Variants in CCDC172 observed in about 807,000 individuals in gnomAD.
CCDC172 encodes coiled-coil domain containing 172.
CCDC172 carries 30 observed loss-of-function variants against 38.0 expected under a neutral mutation model. That is an observed-to-expected ratio of 0.79 (90% CI 0.59 to 1.07). CCDC172 has a LOEUF of 1.07. Ranked by LOEUF, CCDC172 falls within the 50% of genes least tolerant of loss-of-function variation. The probability of loss-of-function intolerance (pLI) is 0.00; values close to 1 mark genes in which losing one functional copy is unlikely to be tolerated. For missense variants in CCDC172, 297 were observed against 290.1 expected (o/e 1.02, Z -0.17); for synonymous variants, 78 against 88.3 (o/e 0.88, Z 0.66).
intron 7 of CCDC172, among the ~76,000 whole-genome samples, chr10:116,371,409 AT>A (rs1845184337): frequency 6.6e-6 from 1 of 151,842 alleles, no homozygotes; most frequent in Non-Finnish European, 1.5e-5. Context: ...ATCTTAGTGT[AT>A]TATTTATTTA....
intron 7 of CCDC172, among the ~76,000 whole-genome samples, chr10:116,361,031 C>T (rs921254649): frequency 1.6e-5 from 2 of 127,052 alleles, no homozygotes; most frequent in African/African-American, 6.1e-5. Context: ...AACCCCCAAA[C>T]CTATTATTAT....
intron 5 of CCDC172, among the ~76,000 whole-genome samples, chr10:116,347,054 A>G (rs1844876661): frequency 6.6e-6 from 1 of 152,194 alleles, no homozygotes; most frequent in Admixed American, 6.5e-5. Flanking sequence ...TAGCCAAGTG[A>G]GAGATTTGAG....
intron 7 of CCDC172, among the ~76,000 whole-genome samples, chr10:116,363,877 G>A (rs1273280925): frequency 4.0e-5 from 6 of 151,058 alleles, no homozygotes; most frequent in Non-Finnish European, 8.8e-5. Flanking sequence ...GTTGCAATGA[G>A]CCGAGATCAC....
chr10:116,369,485 T>C (rs1266611841), intron 7 of CCDC172, among the ~76,000 whole-genome samples: 2 of 152,074 alleles, frequency 1.3e-5, no homozygotes, highest in African/African-American at 4.8e-5. Context: ...TAGTCTTTTG[T>C]ATCTTTCCGT....
intron 7 of CCDC172, among the ~76,000 whole-genome samples, chr10:116,375,167 C>T (rs530366535): frequency 5.9e-5 from 9 of 152,182 alleles, no homozygotes; most frequent in Admixed American, 3.3e-4. Context: ...CTTCCTGTCT[C>T]TGCTTTTACT....
At chr10:116,333,015 G>T (rs1207371381) in intron 3 of CCDC172, among the ~76,000 whole-genome samples, 1 of 151,940 alleles carries the variant, frequency 6.6e-6, no homozygotes, top group African/African-American at 2.4e-5. Context: ...ATTTCAGCTT[G>T]TTCTGTTTTT....
chr10:116,378,308 A>G (rs749014455), intron 7 of CCDC172, 115 bp from the exon 8 acceptor site: 2 of 1,033,136 alleles, frequency 1.9e-6, no homozygotes, highest in South Asian at 2.2e-5. Flanking sequence ...TATGCCAATT[A>G]TTTAGTCTTA....
chr10:116,372,056 A>C (rs1039124293), intron 7 of CCDC172, among the ~76,000 whole-genome samples: 1 of 151,764 alleles, frequency 6.6e-6, no homozygotes, highest in African/African-American at 2.4e-5. Flanking sequence ...TGGTTACTTA[A>C]CTCTTTCTGC....
chr10:116,352,754 G>T (rs1182524774), intron 5 of CCDC172, among the ~76,000 whole-genome samples: 2 of 151,516 alleles, frequency 1.3e-5, no homozygotes, highest in African/African-American at 4.9e-5. Context: ...TTATAGTGGG[G>T]GTTTTAGGCA....
intron 5 of CCDC172, among the ~76,000 whole-genome samples, chr10:116,345,923 A>G (rs1449169110): frequency 3.9e-5 from 6 of 152,312 alleles, no homozygotes; most frequent in African/African-American, 1.4e-4. Context: ...TACATTTACC[A>G]TACAGCCCAG....
chr10:116,324,994 C>A lies in CCDC172; in HGVS notation c.-18C>A. 6.2e-7 allele frequency: 1 copy of A among 1,608,696 alleles called. No individual in the cohort carries two copies. Among genetic ancestry groups the A allele is most frequent in the Non-Finnish European group, 8.5e-7 (1 of 1,175,126 alleles). On this transcript the variant is annotated 5_prime_UTR_variant, in exon 2 of 9. Transcript: ENST00000333254. ...ATATTTAAGGGCGAGAAAAGGATCG[C>A]AGGAGCCAGGCCCTGAGATGAGCTT...
chr10:116,339,075 G>T (rs1480268442), intron 3 of CCDC172, among the ~76,000 whole-genome samples: 1 of 151,946 alleles, frequency 6.6e-6, no homozygotes, highest in African/African-American at 2.4e-5. Flanking sequence ...TTCTCAGTAA[G>T]CTCTGGTGGA....
chr10:116,349,867 G>A (rs1398510424), intron 5 of CCDC172, among the ~76,000 whole-genome samples: 2 of 152,084 alleles, frequency 1.3e-5, no homozygotes, highest in African/African-American at 4.8e-5. Flanking sequence ...GGGTTGCAGT[G>A]GGGTGTGTGG....
chr10:116,325,519 GT>G, intron 3 of CCDC172, 131 bp downstream of exon 3: 1 of 645,760 alleles, frequency 1.5e-6, no homozygotes, highest in South Asian at 2.3e-5. Context: ...GGCTGTTTTA[GT>G]TCCATGTTGC....
intron 7 of CCDC172, among the ~76,000 whole-genome samples, chr10:116,372,269 TA>T (rs1254990834): frequency 2.0e-5 from 3 of 152,126 alleles, no homozygotes; most frequent in Non-Finnish European, 2.9e-5. Flanking sequence ...AATTTTGAAT[TA>T]AAAAAATTTA....
intron 5 of CCDC172, among the ~76,000 whole-genome samples, chr10:116,348,721 C>CT (rs1844896404): frequency 6.6e-6 from 1 of 152,182 alleles, no homozygotes; most frequent in Non-Finnish European, 1.5e-5. Flanking sequence ...CCTGCAGCAT[C>CT]TAGTGCCTCT....
chr10:116,366,711 C>A (rs762127219), intron 7 of CCDC172, among the ~76,000 whole-genome samples: 4 of 152,142 alleles, frequency 2.6e-5, no homozygotes, highest in African/African-American at 9.7e-5. Flanking sequence ...GTGGGGCATG[C>A]GAATGTTGAA....
chr10:116,368,464 C>T (rs1845149346), intron 7 of CCDC172, among the ~76,000 whole-genome samples: 1 of 152,044 alleles, frequency 6.6e-6, no homozygotes, highest in Admixed American at 6.6e-5. Flanking sequence ...TCTCTACGTA[C>T]TCATGCACCT....
At chr10:116,379,153 C>T (rs1438103212) in intron 8 of CCDC172, among the ~76,000 whole-genome samples, 170 bp from the exon 9 acceptor site, 1 of 151,754 alleles carries the variant, frequency 6.6e-6, no homozygotes, top group Non-Finnish European at 1.5e-5. Context: ...TAAACATTTT[C>T]TTGTTCAAAA....
Sources: gnomAD v4.1 joint callset for allele counts (sites outside exome capture counted in the v4.1 genomes callset) on GRCh38, gnomAD v4.1.1 for gene constraint, MANE v1.5 for transcripts, NCBI Gene and HGNC (gene_info 2026-07-23, HGNC 2026-07-21) for gene names.